Variants in RYR2 observed in about 807,000 individuals in gnomAD.
The protein encoded by RYR2 is ryanodine receptor 2, also known as cardiac muscle ryanodine receptor-calcium release channel.
RYR2 carries 227 observed loss-of-function variants against 601.1 expected under a neutral mutation model. The ratio of observed to expected loss-of-function variants is 0.38; its 90% CI spans 0.34 to 0.42. The LOEUF is 0.42. Among genes scored for constraint, RYR2 ranks in the 10% least tolerant of loss-of-function variants. RYR2 has a pLI of 1.00. For missense variants in RYR2, 4,646 were observed against 6,156.5 expected (o/e 0.75, Z 8.21); for synonymous variants, 2,223 against 2,175.1 (o/e 1.02, Z -0.61).
At chr1:237,119,497 A>G (rs1432195397) in intron 1 of RYR2, among the ~76,000 whole-genome samples, 1 of 152,270 alleles carries the variant, frequency 6.6e-6, no homozygotes, top group East Asian at 1.9e-4. Context: ...TGAGTTGGTC[A>G]TGGCACACTG....
chr1:237,583,414 T>C lies in RYR2; in HGVS notation c.3599-6379T>C, dbSNP rs533862054. 3.1e-4 allele frequency among the ~76,000 whole-genome samples: 47 copies of C among 152,202 alleles called. 1 individual carries two copies. Among genetic ancestry groups the C allele is most frequent in the Non-Finnish European group, 4.4e-5 (3 of 68,032 alleles). On this transcript the variant is annotated intron_variant, in intron 29 of 104. Transcript: ENST00000366574. Reference sequence around the variant, plus strand: ...AGCATTCTTGATTCAAATTCTAGCATCCATTTAACTACCTATAGAAACTTA... The same window carrying C: ...AGCATTCTTGATTCAAATTCTAGCACCCATTTAACTACCTATAGAAACTTA...
chr1:237,491,814 G>A lies in RYR2; in HGVS notation c.1717G>A (p.Glu573Lys), dbSNP rs1187986865. 7.0e-7 allele frequency: 1 copy of A among 1,420,972 alleles called. No individual in the cohort carries two copies. The highest frequency in any genetic ancestry group is 1.2e-5 in the South Asian group (1 of 80,836). 88.0% of individuals were successfully genotyped at this position (1,420,972 alleles called of 1,614,324 possible). A position where few individuals can be genotyped will look rare whatever the true frequency, so the allele number is the denominator to read the frequency against. ...CTTTGTTTTATCTTTAGGCATTCTG[G>A]AAGTTTTACACTGTGTTTTAGTAGA... is the stretch of plus-strand genomic sequence containing the variant. Reference protein sequence around the residue: ...ERLEASSGILEVLHCVLVESP... With the variant: ...ERLEASSGILKVLHCVLVESP... Residue 573 changes from glutamate to lysine, a missense_variant, in exon 18 of 105, where the codon GAA becomes AAA. Around this residue, in one of 17 missense-constraint regions of RYR2, gnomAD observed 1,807 missense variants for 2,088.1 expected, o/e 0.87. Transcript: ENST00000366574.
intron 37 of RYR2, among the ~76,000 whole-genome samples, chr1:237,615,896 T>A (rs1220163930): frequency 1.3e-5 from 2 of 152,164 alleles, no homozygotes; most frequent in African/African-American, 4.8e-5. Flanking sequence ...GAGTTCAGAT[T>A]TAAGAGTTGT....
At chr1:237,552,597 T>G (rs1224883488) in intron 27 of RYR2, among the ~76,000 whole-genome samples, 2 of 152,130 alleles carry the variant, frequency 1.3e-5, no homozygotes, top group East Asian at 3.9e-4. Flanking sequence ...AATAGACATA[T>G]AAATGTAACC....
At chr1:237,178,680 G>A (rs1190963679) in intron 1 of RYR2, among the ~76,000 whole-genome samples, 1 of 152,018 alleles carries the variant, frequency 6.6e-6, no homozygotes, top group Non-Finnish European at 1.5e-5. Context: ...ATGGTGGCTT[G>A]CACCTGTTGT....
intron 1 of RYR2, among the ~76,000 whole-genome samples, chr1:237,056,311 G>C (rs942324336): frequency 2.7e-5 from 4 of 145,616 alleles, no homozygotes; most frequent in African/African-American, 1.0e-4. Flanking sequence ...CTGCACCTGT[G>C]AGGACTGGAG....
chr1:237,314,207 G>T (rs1444151164), intron 2 of RYR2, among the ~76,000 whole-genome samples: 1 of 151,686 alleles, frequency 6.6e-6, no homozygotes, highest in African/African-American at 2.4e-5. Context: ...TGGGACTACA[G>T]GCACCCGCAA....
chr1:237,619,041 C>A (rs2148622918), intron 38 of RYR2, among the ~76,000 whole-genome samples: 1 of 152,228 alleles, frequency 6.6e-6, no homozygotes, highest in African/African-American at 2.4e-5. Flanking sequence ...CAATAAGATA[C>A]CCTAAGCCCT....
chr1:237,756,414 A>C (rs1286689288), intron 81 of RYR2, 27 bp downstream of exon 81: 14 of 1,455,394 alleles, frequency 9.6e-6, no homozygotes, highest in Admixed American at 1.8e-5. Context: ...TCCCCTCACG[A>C]GTGTCTGTTC....
intron 1 of RYR2, among the ~76,000 whole-genome samples, chr1:237,164,062 G>C (rs1012990639): frequency 6.6e-6 from 1 of 152,228 alleles, no homozygotes; most frequent in African/African-American, 2.4e-5. Flanking sequence ...GAGGCAGGTG[G>C]ATCACCTGAG....
intron 18 of RYR2, 127 bp from the exon 19 acceptor site, chr1:237,492,827 G>GGAAA (rs1663524942): frequency 2.0e-5 from 11 of 544,508 alleles, no homozygotes; most frequent in Non-Finnish European, 2.8e-5. Flanking sequence ...CTGTCTGAAA[G>GGAAA]GAAGGAAGGA....
chr1:237,314,063 CTTTTT>C (rs397983391), intron 2 of RYR2, among the ~76,000 whole-genome samples: 1 of 82,336 alleles, frequency 1.2e-5, no homozygotes, highest in Admixed American at 2.0e-4. Flanking sequence ...ACATGAATTT[CTTTTT>C]TTTTTTTTTT....
In RYR2 at chr1:237,156,939, A is replaced by AGG. The variant is rs2148839851; in HGVS notation, c.49-113557_49-113556insGG. Among the ~76,000 whole-genome samples, 3 of 152,332 alleles carry AGG rather than the reference A, an allele frequency of 2.0e-5. No individual in the cohort carries two copies. The East Asian group carries it at 5.8e-4, about 29-fold the overall frequency. On this transcript the variant is annotated intron_variant, in intron 1 of 104. Transcript: ENST00000366574. ...GGAATGCTTGCGCACTGTTGGTGGC[A>AGG]GTGTAAAGTAGTACAGCCACTGTGG...
rs142095615 is a variant in RYR2, at chr1:237,166,475, G to C, written c.49-104022G>C. Among the ~76,000 whole-genome samples, 50 of 137,440 alleles carry C rather than the reference G, an allele frequency of 3.6e-4. No individual in the cohort carries two copies. In the East Asian group the frequency reaches 0.01, roughly 28 times the overall value. The allele number at this position is 137,440 out of a possible 152,430, so 90.2% of individuals were successfully genotyped here. On this transcript the variant is annotated intron_variant, in intron 1 of 104. Transcript: ENST00000366574. ...TTTAAGCTGAAGTCTCTCAGGGCTG[G>C]AGCCTAGATTTTTAAATTATTTGCA...
At chr1:237,734,863 A>G (rs1272049397) in intron 79 of RYR2, among the ~76,000 whole-genome samples, 1 of 152,214 alleles carries the variant, frequency 6.6e-6, no homozygotes, top group South Asian at 2.1e-4. Context: ...TCAGTATCTC[A>G]GGTAAGGCTT....
intron 27 of RYR2, among the ~76,000 whole-genome samples, chr1:237,554,844 A>G (rs1443869500): frequency 6.6e-6 from 1 of 152,016 alleles, no homozygotes; most frequent in Non-Finnish European, 1.5e-5. Flanking sequence ...CATTCCTGGT[A>G]ATGATAGTTG....
chr1:237,445,344 A>G, intron 13 of RYR2, 57 bp from the exon 14 acceptor site: 1 of 1,606,366 alleles, frequency 6.2e-7, no homozygotes, highest in Admixed American at 1.7e-5. Flanking sequence ...CATCTCCCTA[A>G]CTCTAGTTTG....
chr1:237,149,850 A>G (rs959251001), intron 1 of RYR2, among the ~76,000 whole-genome samples: 1 of 151,910 alleles, frequency 6.6e-6, no homozygotes, highest in Non-Finnish European at 1.5e-5. Flanking sequence ...TTAGGTGAAG[A>G]AGATAGATGT....
intron 1 of RYR2, among the ~76,000 whole-genome samples, chr1:237,068,391 A>T (rs6681409): frequency 4.6e-5 from 7 of 152,154 alleles, no homozygotes; most frequent in African/African-American, 1.7e-4. Flanking sequence ...TGTTCTTGGC[A>T]TGGCTCAAGA....
Sources: allele counts gnomAD v4.1 joint callset (sites outside exome capture counted in the v4.1 genomes callset), GRCh38; gene constraint gnomAD v4.1.1; regional missense constraint gnomAD v4.1.1; transcripts MANE v1.5; gene names NCBI Gene and HGNC (gene_info 2026-07-23, HGNC 2026-07-21).